Variants in RBFOX1 observed in about 807,000 individuals in gnomAD.
RBFOX1 encodes RNA binding protein fox-1 homolog 1.
RBFOX1 carries 8 observed loss-of-function variants against 57.7 expected under a neutral mutation model. That is an observed-to-expected ratio of 0.14 (90% CI 0.08 to 0.25). RBFOX1 has a LOEUF of 0.25. Among genes scored for constraint, RBFOX1 ranks in the 10% least tolerant of loss-of-function variants. The pLI, the probability that RBFOX1 is intolerant of heterozygous loss-of-function variation, is 1.00. For synonymous variants in RBFOX1, 326 were observed against 222.4 expected (o/e 1.47, Z -4.15); for missense variants, 611 against 548.5 (o/e 1.11, Z -1.14).
chr16:6,640,689 T>C (rs544307399), intron 2 of RBFOX1, among the ~76,000 whole-genome samples: 18 of 152,242 alleles, frequency 1.2e-4, no homozygotes, highest in Non-Finnish European at 1.9e-4. Context: ...ATATCACATA[T>C]AGGAAACACT....
chr16:6,836,131 A>T (rs1331513987), intron 3 of RBFOX1, among the ~76,000 whole-genome samples: 2 of 152,160 alleles, frequency 1.3e-5, no homozygotes, highest in Non-Finnish European at 2.9e-5. Flanking sequence ...TCTACAATTT[A>T]TGGTATTTCA....
At chr16:7,686,111 C>T (rs532503324) in intron 14 of RBFOX1, among the ~76,000 whole-genome samples, 1 of 151,832 alleles carries the variant, frequency 6.6e-6, no homozygotes, top group Non-Finnish European at 1.5e-5. Context: ...TCTAAGAGAT[C>T]CTGACACTTA....
At chr16:6,619,145 C>G (rs8059140) in intron 2 of RBFOX1, among the ~76,000 whole-genome samples, 147,564 of 151,902 alleles carry the variant, frequency 0.97, 71,822 homozygotes, top group East Asian at 1. Context: ...CTACAGACCG[C>G]TGACATGTTC....
intron 3 of RBFOX1, among the ~76,000 whole-genome samples, chr16:5,829,691 A>G (rs1169626987): frequency 6.6e-6 from 1 of 152,046 alleles, no homozygotes. Flanking sequence ...GACGCAAGAG[A>G]ACAAAGGCAT....
chr16:5,900,162 C>G (rs1167289193), intron 4 of RBFOX1, among the ~76,000 whole-genome samples: 1 of 152,146 alleles, frequency 6.6e-6, no homozygotes, highest in Non-Finnish European at 1.5e-5. Flanking sequence ...AGTTTATTGA[C>G]TAATATCTAA....
chr16:6,776,370 C>A (rs2079347303), intron 3 of RBFOX1, among the ~76,000 whole-genome samples: 1 of 152,042 alleles, frequency 6.6e-6, no homozygotes, highest in African/African-American at 2.4e-5. Context: ...GAGGTCATGC[C>A]ACTGCACTCC....
chr16:5,534,212 G>T (rs75269000), intron 2 of RBFOX1, among the ~76,000 whole-genome samples: 3 of 152,166 alleles, frequency 2.0e-5, no homozygotes, highest in Non-Finnish European at 4.4e-5. Flanking sequence ...AGCTTTAGTG[G>T]TGGGTGTTGG....
intron 3 of RBFOX1, among the ~76,000 whole-genome samples, chr16:6,953,856 C>T (rs1157850785): frequency 6.6e-6 from 1 of 152,310 alleles, no homozygotes; most frequent in East Asian, 1.9e-4. Context: ...TTGAATCTCT[C>T]TTTGCCCATT....
chr16:5,469,756 T>C (rs1348138668), intron 2 of RBFOX1, among the ~76,000 whole-genome samples: 1 of 152,230 alleles, frequency 6.6e-6, no homozygotes, highest in African/African-American at 2.4e-5. Context: ...AATGGAATTG[T>C]ATAGTATGTG....
intron 3 of RBFOX1, among the ~76,000 whole-genome samples, chr16:5,817,687 C>G (rs11648254): frequency 1.3e-5 from 2 of 150,040 alleles, no homozygotes; most frequent in African/African-American, 4.9e-5. Context: ...AGTGATGGGT[C>G]TTGTGGGCTG....
chr16:6,674,317 AT>A (rs555608627), intron 3 of RBFOX1, among the ~76,000 whole-genome samples: 29 of 150,542 alleles, frequency 1.9e-4, no homozygotes, highest in East Asian at 5.9e-4. Flanking sequence ...CTTTATTTTT[AT>A]TTTTTTTTCT....
At chr16:5,490,266 A>G (rs2042781960) in intron 2 of RBFOX1, among the ~76,000 whole-genome samples, 1 of 152,250 alleles carries the variant, frequency 6.6e-6, no homozygotes, top group Non-Finnish European at 1.5e-5. Context: ...AGACACTGGT[A>G]AGTGACATAC....
At chr16:6,621,715 G>C (rs981075921) in intron 2 of RBFOX1, among the ~76,000 whole-genome samples, 32 of 152,254 alleles carry the variant, frequency 2.1e-4, no homozygotes, top group African/African-American at 6.7e-4. Flanking sequence ...GCTAATGCTC[G>C]TTAGCTCTGA....
intron 3 of RBFOX1, among the ~76,000 whole-genome samples, chr16:5,860,107 G>A (rs990715675): frequency 6.6e-6 from 1 of 152,058 alleles, no homozygotes; most frequent in African/African-American, 2.4e-5. Flanking sequence ...TTTTGTGATG[G>A]AGTCTCACTC....
chr16:6,986,223 C>CA (rs1275639193), intron 3 of RBFOX1, among the ~76,000 whole-genome samples: 4 of 68,996 alleles, frequency 5.8e-5, no homozygotes, highest in East Asian at 5.6e-4. Context: ...TTTTCTGAGA[C>CA]AGAGTCTTGG....
intron 4 of RBFOX1, among the ~76,000 whole-genome samples, chr16:7,361,144 C>T (rs1225853874): frequency 6.6e-6 from 1 of 152,198 alleles, no homozygotes. Context: ...CTCCACCTGC[C>T]AGCCCTCTTT....
At chr16:5,306,600 CCTGGCCGGGGT>C (rs1455012484) in intron 1 of RBFOX1, among the ~76,000 whole-genome samples, 1 of 152,160 alleles carries the variant, frequency 6.6e-6, no homozygotes, top group East Asian at 1.9e-4. Flanking sequence ...AGTCACCATG[CCTGGCCGGGGT>C]CTTGTAGAAT....
intron 1 of RBFOX1, among the ~76,000 whole-genome samples, chr16:5,394,680 C>G (rs1398823990): frequency 6.6e-6 from 1 of 151,296 alleles, no homozygotes; most frequent in African/African-American, 2.4e-5. Flanking sequence ...TCCTAAGTAG[C>G]TGAGACTACA....
At chr16:6,096,336 C>G (rs1246385251) in intron 1 of RBFOX1, among the ~76,000 whole-genome samples, 3 of 152,120 alleles carry the variant, frequency 2.0e-5, no homozygotes. Flanking sequence ...AATCGTTCCC[C>G]AGATGCATTA....
Sources: gnomAD v4.1 joint callset for allele counts (sites outside exome capture counted in the v4.1 genomes callset) on GRCh38, gnomAD v4.1.1 for gene constraint, MANE v1.5 for transcripts, NCBI Gene and HGNC (gene_info 2026-07-23, HGNC 2026-07-21) for gene names.